PDE5A: variants seen among roughly 807,000 people sequenced by gnomAD.
PDE5A encodes phosphodiesterase 5A, also known as cGMP-specific 3',5'-cyclic phosphodiesterase.
Under a neutral mutation model 110.2 loss-of-function variants are expected in PDE5A, and 67 were observed. That is an observed-to-expected ratio of 0.61 (90% CI 0.50 to 0.75). The LOEUF is 0.75. Ranked by LOEUF, PDE5A falls within the 30% of genes least tolerant of loss-of-function variation. PDE5A has a pLI of 0.00. For missense variants in PDE5A, 862 were observed against 1,045.1 expected (o/e 0.82, Z 2.42); for synonymous variants, 328 against 351.2 (o/e 0.93, Z 0.74).
chr4:119,575,517 G>C (rs952640994), intron 3 of PDE5A, among the ~76,000 whole-genome samples: 7 of 152,216 alleles, frequency 4.6e-5, no homozygotes, highest in African/African-American at 1.7e-4. Context: ...CCTGAAGAGA[G>C]TGGGGGCCAA....
At chr4:119,514,262 T>C (rs914088886) in intron 14 of PDE5A, among the ~76,000 whole-genome samples, 1 of 152,150 alleles carries the variant, frequency 6.6e-6, no homozygotes, top group African/African-American at 2.4e-5. Flanking sequence ...TAGAAATCTA[T>C]AGAAAATGAA....
intron 3 of PDE5A, among the ~76,000 whole-genome samples, chr4:119,592,407 G>A (rs1289539464): frequency 4.4e-5 from 6 of 136,616 alleles, no homozygotes; most frequent in Non-Finnish European, 6.1e-5. Context: ...GCAGTGAGCC[G>A]AGATCGCACC....
intron 1 of PDE5A, among the ~76,000 whole-genome samples, chr4:119,612,877 A>T (rs1184011195): frequency 6.6e-6 from 1 of 152,220 alleles, no homozygotes; most frequent in Non-Finnish European, 1.5e-5. Flanking sequence ...ACATAGACTA[A>T]AGTGATGTTG....
intron 2 of PDE5A, among the ~76,000 whole-genome samples, chr4:119,605,582 G>T (rs1729496197): frequency 6.6e-6 from 1 of 152,084 alleles, no homozygotes; most frequent in South Asian, 2.1e-4. Flanking sequence ...GGGAGGCAAA[G>T]GTTGCAGTGA....
intron 5 of PDE5A, among the ~76,000 whole-genome samples, chr4:119,563,378 C>T (rs1374207664): frequency 6.6e-6 from 1 of 152,164 alleles, no homozygotes; most frequent in Non-Finnish European, 1.5e-5. Flanking sequence ...TTCAGATCAA[C>T]ATTTGTCAAC....
chr4:119,583,451 T>G (rs927322031), intron 3 of PDE5A, among the ~76,000 whole-genome samples: 9 of 152,204 alleles, frequency 5.9e-5, no homozygotes, highest in African/African-American at 2.2e-4. Context: ...ATAAGGCTAT[T>G]TGACTTTCTT....
intron 1 of PDE5A, among the ~76,000 whole-genome samples, chr4:119,618,400 A>G (rs1217798196): frequency 6.6e-6 from 1 of 152,174 alleles, no homozygotes; most frequent in African/African-American, 2.4e-5. Context: ...TTTAAAAACA[A>G]TAACTTCTCT....
At chr4:119,567,238 T>G (rs2110509397) in intron 3 of PDE5A, 94 bp from the exon 4 acceptor site, 1 of 899,544 alleles carries the variant, frequency 1.1e-6, no homozygotes, top group Non-Finnish European at 1.8e-6. Context: ...ATCCTGCATG[T>G]GCTTTAAAAT....
rs1468824660 is a variant in PDE5A at position 119,497,090 on chromosome 4, G to A, written c.*1511C>T. The A allele has an allele frequency of 6.6e-6, 1 of 152,032 alleles. No homozygotes were observed. The highest frequency in any genetic ancestry group is 2.4e-5 in the African/African-American group (1 of 41,406). The allele number at this position is 152,032 out of a possible 1,614,324, so 9.4% of individuals were successfully genotyped here. A position where few individuals can be genotyped will look rare whatever the true frequency, so the allele number is the denominator to read the frequency against. On this transcript the variant is annotated 3_prime_UTR_variant, in exon 21 of 21. Coordinates refer to ENST00000354960, the MANE Select transcript of PDE5A (RefSeq NM_001083.4). Reference sequence around the variant, plus strand: ...GGGACATAGATGGAAAACACATTTTGGCGAAAGGTCCTTGAGAATGCTGGA... The same window carrying A: ...GGGACATAGATGGAAAACACATTTTAGCGAAAGGTCCTTGAGAATGCTGGA...
intron 5 of PDE5A, 72 bp from the exon 6 acceptor site, chr4:119,563,042 G>T: frequency 8.0e-7 from 1 of 1,252,372 alleles, no homozygotes; most frequent in Non-Finnish European, 1.1e-6. Flanking sequence ...ATTTATATGG[G>T]TTATAAATTG....
At position 119,627,992 on chromosome 4, in the gene PDE5A, C is replaced by G. The variant is rs553853343; in HGVS notation, c.152+528G>C. The G allele has an allele frequency of 1.0e-5, 10 of 974,336 alleles. No individual in the cohort carries two copies. In the South Asian group the frequency reaches 4.7e-4, roughly 46 times the overall value. The allele number at this position is 974,336 out of a possible 1,614,324, so 60.4% of individuals were successfully genotyped here. A position where few individuals can be genotyped will look rare whatever the true frequency, so the allele number is the denominator to read the frequency against. On this transcript the variant is annotated intron_variant, in intron 1 of 20. Transcript: ENST00000354960. This position sits in a 1 kb window ranked among gnomAD's most constrained non-coding sequence, Gnocchi z 4.6. Reference sequence around the variant, plus strand: ...GAAGGGGGGAAAAGGCAACCGCACTCACTTTGGCAAGGTTCCGTCATGTTG... The same window carrying G: ...GAAGGGGGGAAAAGGCAACCGCACTGACTTTGGCAAGGTTCCGTCATGTTG...
rs1276574434 is a variant in PDE5A at position 119,525,372 on chromosome 4, T to C, written c.1779+177A>G. ...ATACATGCTAGGAGCCCATTAAATG[T>C]CTTTTTGATAATGATAATTTTTCTT... On this transcript the variant is annotated intron_variant, in intron 12 of 20. Coordinates refer to ENST00000354960, the MANE Select transcript of PDE5A (RefSeq NM_001083.4). The surrounding 1 kb of genome is among the most constrained non-coding windows in gnomAD (Gnocchi z 4.3). Among the ~76,000 whole-genome samples, 1 of 152,128 alleles carries C rather than the reference T, an allele frequency of 6.6e-6. No homozygotes were observed. Among genetic ancestry groups the C allele is most frequent in the Non-Finnish European group, 1.5e-5 (1 of 68,024 alleles).
chr4:119,547,293 C>T (rs1727165997), intron 9 of PDE5A, among the ~76,000 whole-genome samples: 1 of 151,768 alleles, frequency 6.6e-6, no homozygotes, highest in African/African-American at 2.4e-5. Flanking sequence ...GATATCTGTA[C>T]TTACATTCCC....
At chr4:119,570,327 A>G (rs923419153) in intron 3 of PDE5A, among the ~76,000 whole-genome samples, 1 of 152,000 alleles carries the variant, frequency 6.6e-6, no homozygotes, top group South Asian at 2.1e-4. Context: ...TACTCTAAGT[A>G]TATCTCAGAC....
In PDE5A at chr4:119,627,088, C is replaced by G. The variant is rs1378268648; in HGVS notation, c.152+1432G>C. The G allele has an allele frequency of 5.0e-6, 8 of 1,603,618 alleles. No homozygotes were observed. In the Middle Eastern group the frequency reaches 4.9e-4, roughly 99 times the overall value. ...CACCGGGGCGCCACCACCCAGCACC[C>G]GAGACCCGCCGCGCCCCCGGAAAAA... On this transcript the variant is annotated intron_variant, in intron 1 of 20. Coordinates refer to ENST00000354960, the MANE Select transcript of PDE5A (RefSeq NM_001083.4). The surrounding 1 kb of genome is among the most constrained non-coding windows in gnomAD (Gnocchi z 4.6).
In PDE5A at chr4:119,525,705, G is replaced by GA; in HGVS notation, c.1633-11_1633-10insT. On this transcript the variant is annotated splice_polypyrimidine_tract_variant and intron_variant, in intron 11 of 20. Coordinates refer to ENST00000354960, the MANE Select transcript of PDE5A (RefSeq NM_001083.4). The surrounding 1 kb of genome is among the most constrained non-coding windows in gnomAD (Gnocchi z 4.3). ...ATGGCACCACAGCAGCCTTGGGTAA[G>GA]GAAAGAAGAAAAAAAAAAATGCTGT... The GA allele has an allele frequency of 1.3e-6, 2 of 1,547,258 alleles. No homozygotes were observed. The highest frequency in any genetic ancestry group is 8.7e-7 in the Non-Finnish European group (1 of 1,155,158).
chr4:119,551,148 T>C (rs1727340393), intron 9 of PDE5A, among the ~76,000 whole-genome samples: 1 of 151,840 alleles, frequency 6.6e-6, no homozygotes, highest in African/African-American at 2.4e-5. Flanking sequence ...TGGGGTGGAG[T>C]CACAGTAACT....
At chr4:119,521,815 G>A (rs188215220) in intron 12 of PDE5A, among the ~76,000 whole-genome samples, 1 of 152,148 alleles carries the variant, frequency 6.6e-6, no homozygotes, top group East Asian at 1.9e-4. Flanking sequence ...TCTAAGTGGT[G>A]TATTAAATAA....
chr4:119,609,545 T>C (rs1291677464), intron 1 of PDE5A, among the ~76,000 whole-genome samples: 1 of 152,222 alleles, frequency 6.6e-6, no homozygotes, highest in Non-Finnish European at 1.5e-5. Context: ...AACAATGATG[T>C]ATTATTTGTT....
Sources: allele counts gnomAD v4.1 joint callset (sites outside exome capture counted in the v4.1 genomes callset), GRCh38; gene constraint gnomAD v4.1.1; non-coding constraint Gnocchi (gnomAD v3.1); transcripts MANE v1.5; gene names NCBI Gene and HGNC (gene_info 2026-07-23, HGNC 2026-07-21).